Variants in IGF2BP1 observed in about 807,000 individuals in gnomAD.
IGF2BP1 encodes the protein insulin like growth factor 2 mRNA binding protein 1, also known as insulin-like growth factor 2 mRNA-binding protein 1.
A neutral mutation model predicts 74.9 loss-of-function variants in IGF2BP1; 11 were observed. The observed-to-expected ratio is 0.15, with a 90% confidence interval of 0.09 to 0.24. The LOEUF (loss-of-function observed/expected upper bound fraction) is 0.24, where lower values mean the gene tolerates loss of function less well. IGF2BP1 is among the 10% of genes least tolerant of loss of function. The probability of loss-of-function intolerance (pLI) is 1.00; values close to 1 mark genes in which losing one functional copy is unlikely to be tolerated. For missense variants in IGF2BP1, 440 were observed against 757.4 expected (o/e 0.58, Z 4.92); for synonymous variants, 287 against 281.8 (o/e 1.02, Z -0.18).
In IGF2BP1 at chr17:49,049,337, C is replaced by T; in HGVS notation, c.1642-15C>T. ...GGAGGTCTCACACCCACTCTCTTGCCTGTTCTTGCTGCAGATGGCTCAACG... is the reference window on the plus strand; with the variant it reads ...GGAGGTCTCACACCCACTCTCTTGCTTGTTCTTGCTGCAGATGGCTCAACG... On this transcript the variant is annotated splice_polypyrimidine_tract_variant and intron_variant, in intron 14 of 14. Coordinates refer to ENST00000290341, the MANE Select transcript of IGF2BP1 (RefSeq NM_006546.4). 1 of 1,613,314 alleles carries T rather than the reference C, an allele frequency of 6.2e-7. No homozygotes were observed. Among genetic ancestry groups the T allele is most frequent in the Non-Finnish European group, 8.5e-7 (1 of 1,179,464 alleles).
chr17:49,037,051 T>C (rs1181269317), intron 5 of IGF2BP1: 2 of 228,136 alleles, frequency 8.8e-6, no homozygotes, highest in South Asian at 7.1e-5. Context: ...TTGTGAATTA[T>C]GAAATGTCAT....
intron 11 of IGF2BP1, 87 bp from the exon 12 acceptor site, chr17:49,044,903 AG>A: frequency 9.1e-7 from 1 of 1,103,856 alleles, no homozygotes; most frequent in Non-Finnish European, 1.4e-6. Context: ...GTTGGGAGTA[AG>A]GGTGGTAGAA....
chr17:49,049,274 G>C (rs2042139806), intron 14 of IGF2BP1, 78 bp from the exon 15 acceptor site: 1 of 1,165,786 alleles, frequency 8.6e-7, no homozygotes, highest in Non-Finnish European at 1.3e-6. Context: ...CCTGTGTCTG[G>C]ACCTGATGAC....
At chr17:49,010,402 C>T (rs1015079942) in intron 2 of IGF2BP1, among the ~76,000 whole-genome samples, 14 of 151,036 alleles carry the variant, frequency 9.3e-5, no homozygotes, top group Middle Eastern at 3.2e-3. Flanking sequence ...CTGCAAGCTC[C>T]GCCTCCCGGG....
In IGF2BP1 at chr17:49,051,273, T is replaced by C. The variant is rs2042164138; in HGVS notation, c.*1829T>C. The C allele has an allele frequency of 6.5e-6, 1 of 152,678 alleles. No individual in the cohort carries two copies. Among genetic ancestry groups the C allele is most frequent in the Non-Finnish European group, 1.5e-5 (1 of 68,042 alleles). 9.5% of individuals were successfully genotyped at this position (152,678 alleles called of 1,614,324 possible). On this transcript the variant is annotated 3_prime_UTR_variant, in exon 15 of 15. Transcript: ENST00000290341. Reference sequence around the variant, plus strand: ...ATGAAAAGAAAAAACAAGAAAGTTATGTTTCATAATTTCTTACAACATGAG... The same window carrying C: ...ATGAAAAGAAAAAACAAGAAAGTTACGTTTCATAATTTCTTACAACATGAG...
intron 7 of IGF2BP1, among the ~76,000 whole-genome samples, 164 bp downstream of exon 7, chr17:49,040,255 A>G (rs2042035949): frequency 6.6e-6 from 1 of 152,238 alleles, no homozygotes; most frequent in South Asian, 2.1e-4. Context: ...GGACTTTGTC[A>G]CCTAGGCTGG....
intron 4 of IGF2BP1, among the ~76,000 whole-genome samples, chr17:49,031,527 C>T (rs1483772702): frequency 1.3e-5 from 2 of 150,306 alleles, no homozygotes; most frequent in East Asian, 2.0e-4. Context: ...GGTGGAATCT[C>T]CCTCTGTTGC....
At chr17:49,046,223 T>A in intron 13 of IGF2BP1, 37 bp from the exon 14 acceptor site, 1 of 1,579,364 alleles carries the variant, frequency 6.3e-7, no homozygotes, top group Middle Eastern at 1.7e-4. Context: ...CCATGCTTTC[T>A]TGATGGCACC....
chr17:49,026,415 A>G (rs781110212), intron 3 of IGF2BP1, 51 bp from the exon 4 acceptor site: 1 of 1,562,954 alleles, frequency 6.4e-7, no homozygotes, highest in Non-Finnish European at 8.8e-7. Context: ...GCTGCTTTGC[A>G]AGGGTCTTGG....
intron 2 of IGF2BP1, among the ~76,000 whole-genome samples, chr17:49,019,906 A>ATATT (rs2041757518): frequency 2.0e-4 from 3 of 14,850 alleles, no homozygotes; most frequent in Admixed American, 1.4e-3. Flanking sequence ...TGGCTAATTT[A>ATATT]TATATATATA....
chr17:49,010,966 G>T (rs2041609650), intron 2 of IGF2BP1, among the ~76,000 whole-genome samples: 1 of 151,240 alleles, frequency 6.6e-6, no homozygotes. Flanking sequence ...TTGAAACCCC[G>T]TCTCTACTAA....
In IGF2BP1 at chr17:49,052,193, CT is replaced by C. The variant is rs1048238157; in HGVS notation, c.*2750del. 9 of 152,324 alleles carry C rather than the reference CT, an allele frequency of 5.9e-5. No individual in the cohort carries two copies. Among genetic ancestry groups the C allele is most frequent in the Non-Finnish European group, 1.3e-4 (9 of 68,034 alleles). The allele number at this position is 152,324 out of a possible 1,614,324, so 9.4% of individuals were successfully genotyped here. On this transcript the variant is annotated 3_prime_UTR_variant, in exon 15 of 15. Coordinates refer to ENST00000290341, the MANE Select transcript of IGF2BP1 (RefSeq NM_006546.4). ...GGCCAGTAGAATTAAGCCTCTCCAC[CT>C]GTCCCAACCATAAAAAGGGTCTCCC...
intron 14 of IGF2BP1, among the ~76,000 whole-genome samples, chr17:49,048,517 CGCTAGGATTACAGGCA>C (rs1277164328): frequency 6.6e-6 from 1 of 151,852 alleles, no homozygotes; most frequent in African/African-American, 2.4e-5. Context: ...CTCCCCAAAG[CGCTAGGATTACAGGCA>C]TGAGCCACCG....
rs943145120 is a variant in IGF2BP1 at position 49,052,841 on chromosome 17, T to C, written c.*3397T>C. 1 of 152,640 alleles carries C rather than the reference T, an allele frequency of 6.6e-6. No homozygotes were observed. The highest frequency in any genetic ancestry group is 1.5e-5 in the Non-Finnish European group (1 of 68,044). 9.5% of individuals were successfully genotyped at this position (152,640 alleles called of 1,614,324 possible). A position where few individuals can be genotyped will look rare whatever the true frequency, so the allele number is the denominator to read the frequency against. On this transcript the variant is annotated 3_prime_UTR_variant, in exon 15 of 15. Transcript: ENST00000290341. ...GCTCTAAGATATATATGTGTGTGTGTGTGCTACATATATATTTTTAAGAAA... is the reference window on the plus strand; with the variant it reads ...GCTCTAAGATATATATGTGTGTGTGCGTGCTACATATATATTTTTAAGAAA...
Position 49,043,950 on chromosome 17 carries a change from G to A in IGF2BP1, c.1201-17G>A, listed in dbSNP as rs1409825085. 6.8e-6 allele frequency: 11 copies of A among 1,612,196 alleles called. No individual in the cohort carries two copies. The highest frequency in any genetic ancestry group is 4.5e-5 in the East Asian group (2 of 44,874). On this transcript the variant is annotated splice_polypyrimidine_tract_variant and intron_variant, in intron 10 of 14. Coordinates refer to ENST00000290341, the MANE Select transcript of IGF2BP1 (RefSeq NM_006546.4). ...GCTACTTGGGCCCCCTGGTAACAAC[G>A]CCTCCTATCCTGGCAGCAGGCTCCC...
rs1417567019 is a variant in IGF2BP1 at position 49,025,682 on chromosome 17, A to G, written c.285+16A>G. On this transcript the variant is annotated intron_variant, in intron 3 of 14. Coordinates refer to ENST00000290341, the MANE Select transcript of IGF2BP1 (RefSeq NM_006546.4). ...CCGATGGGAAGTAAGTGTTTGGGGG[A>G]AACTCTAAATGGAGTGGGATAGTGG... 2 of 1,609,538 alleles carry G rather than the reference A, an allele frequency of 1.2e-6. No individual in the cohort carries two copies. The highest frequency in any genetic ancestry group is 1.7e-6 in the Non-Finnish European group (2 of 1,178,124).
intron 5 of IGF2BP1, chr17:49,036,732 C>T (rs988180106): frequency 6.6e-6 from 1 of 152,530 alleles, no homozygotes; most frequent in African/African-American, 2.4e-5. Context: ...GGCGAATCAC[C>T]TGAGGTCGGG....
intron 2 of IGF2BP1, among the ~76,000 whole-genome samples, chr17:48,999,915 G>A (rs2041464223): frequency 7.2e-6 from 1 of 139,774 alleles, no homozygotes; most frequent in Non-Finnish European, 1.5e-5. Flanking sequence ...AGAACTCCGT[G>A]GATGAATGGT....
chr17:49,002,623 T>C (rs1598120404), intron 2 of IGF2BP1, among the ~76,000 whole-genome samples: 1 of 152,102 alleles, frequency 6.6e-6, no homozygotes, highest in African/African-American at 2.4e-5. Context: ...ATGTGACTAC[T>C]ATTCAACATG....
Sources: allele counts gnomAD v4.1 joint callset (sites outside exome capture counted in the v4.1 genomes callset), GRCh38; gene constraint gnomAD v4.1.1; transcripts MANE v1.5; gene names NCBI Gene and HGNC (gene_info 2026-07-23, HGNC 2026-07-21).